Variants in SKAP2 observed in about 807,000 individuals in gnomAD.
SKAP2 encodes src kinase-associated phosphoprotein 2.
SKAP2 carries 28 observed loss-of-function variants against 54.9 expected under a neutral mutation model. That is an observed-to-expected ratio of 0.51 (90% CI 0.38 to 0.70). The LOEUF (loss-of-function observed/expected upper bound fraction) is 0.70. Among genes scored for constraint, SKAP2 ranks in the 30% least tolerant of loss-of-function variants. SKAP2 has a pLI of 0.00. For synonymous variants in SKAP2, 137 were observed against 134.3 expected (o/e 1.02, Z -0.14); for missense variants, 356 against 424.1 (o/e 0.84, Z 1.41).
At chr7:26,730,351 G>A (rs979353192) in intron 6 of SKAP2, among the ~76,000 whole-genome samples, 6 of 152,146 alleles carry the variant, frequency 3.9e-5, no homozygotes, top group Admixed American at 3.3e-4. Flanking sequence ...CATTTACCCA[G>A]CACTGTGAAA....
chr7:26,672,254 A>G (rs1053065317), intron 11 of SKAP2, among the ~76,000 whole-genome samples: 3 of 152,072 alleles, frequency 2.0e-5, no homozygotes, highest in Non-Finnish European at 4.4e-5. Flanking sequence ...GCTATCAACT[A>G]AAGGCATGTT....
chr7:26,845,450 C>T (rs1028084573), intron 3 of SKAP2, among the ~76,000 whole-genome samples: 7 of 152,172 alleles, frequency 4.6e-5, no homozygotes, highest in Non-Finnish European at 8.8e-5. Flanking sequence ...ATAGAGATGG[C>T]TATATTGTCA....
chr7:26,745,648 G>A (rs1319134483), intron 4 of SKAP2, among the ~76,000 whole-genome samples: 2 of 152,124 alleles, frequency 1.3e-5, no homozygotes, highest in Non-Finnish European at 1.5e-5. Context: ...CTGAGTAGCT[G>A]GGATTATAGG....
chr7:26,728,300 T>C (rs896251524), intron 6 of SKAP2, among the ~76,000 whole-genome samples: 8 of 152,196 alleles, frequency 5.3e-5, no homozygotes, highest in African/African-American at 1.9e-4. Context: ...GGGAAACGTT[T>C]TGCCGAATTA....
At chr7:26,753,642 G>T (rs1017533711) in intron 4 of SKAP2, among the ~76,000 whole-genome samples, 1 of 152,150 alleles carries the variant, frequency 6.6e-6, no homozygotes, top group Non-Finnish European at 1.5e-5. Context: ...TCTTGAGAGA[G>T]AAAGAGAGGC....
intron 4 of SKAP2, among the ~76,000 whole-genome samples, chr7:26,769,328 A>G (rs1783129701): frequency 6.6e-6 from 1 of 152,044 alleles, no homozygotes; most frequent in Non-Finnish European, 1.5e-5. Flanking sequence ...TCTTCTCCAA[A>G]CTGGTTATTC....
chr7:26,858,655 C>A (rs1296786177), intron 1 of SKAP2, among the ~76,000 whole-genome samples: 1 of 152,132 alleles, frequency 6.6e-6, no homozygotes. Context: ...CCCCACCTTT[C>A]CCTGGAGTCG....
chr7:26,676,154 A>G (rs914671008), intron 11 of SKAP2, among the ~76,000 whole-genome samples: 2 of 152,168 alleles, frequency 1.3e-5, no homozygotes, highest in African/African-American at 2.4e-5. Flanking sequence ...ATACATTTGG[A>G]CCCTCACAGA....
At chr7:26,830,477 A>G (rs1784575281) in intron 4 of SKAP2, among the ~76,000 whole-genome samples, 1 of 152,160 alleles carries the variant, frequency 6.6e-6, no homozygotes, top group Non-Finnish European at 1.5e-5. Context: ...AACTGTTGGT[A>G]AACTATGTAA....
chr7:26,853,272 G>A (rs998975099), intron 3 of SKAP2, among the ~76,000 whole-genome samples: 2 of 152,124 alleles, frequency 1.3e-5, no homozygotes, highest in African/African-American at 4.8e-5. Context: ...GTTAGAAGAT[G>A]CCATACTGTG....
intron 4 of SKAP2, among the ~76,000 whole-genome samples, chr7:26,804,564 C>T (rs184888805): frequency 9.2e-5 from 14 of 152,028 alleles, no homozygotes; most frequent in Non-Finnish European, 1.5e-4. Context: ...TGTGGTGAAA[C>T]GCTGTCTCTA....
chr7:26,766,686 T>C (rs1184785370), intron 4 of SKAP2, among the ~76,000 whole-genome samples: 2 of 151,954 alleles, frequency 1.3e-5, no homozygotes, highest in African/African-American at 2.4e-5. Context: ...CATGAAGGGC[T>C]GTTTTTATTG....
At chr7:26,750,414 G>A (rs779248827) in intron 4 of SKAP2, among the ~76,000 whole-genome samples, 2 of 149,542 alleles carry the variant, frequency 1.3e-5, no homozygotes, top group African/African-American at 2.5e-5. Context: ...CAGGTTCAAC[G>A]ATTTCCCTGT....
At chr7:26,695,013 G>C (rs188731404) in intron 9 of SKAP2, among the ~76,000 whole-genome samples, 1 of 152,092 alleles carries the variant, frequency 6.6e-6, no homozygotes, top group East Asian at 1.9e-4. Flanking sequence ...CCATTTAGCT[G>C]ACACTGCTTG....
chr7:26,699,036 C>A (rs2127945285), intron 9 of SKAP2, among the ~76,000 whole-genome samples: 1 of 152,032 alleles, frequency 6.6e-6, no homozygotes, highest in African/African-American at 2.4e-5. Flanking sequence ...TCCAACTGAC[C>A]AAAGCATGTT....
At chr7:26,806,889 G>T (rs1354916379) in intron 4 of SKAP2, among the ~76,000 whole-genome samples, 1 of 152,158 alleles carries the variant, frequency 6.6e-6, no homozygotes, top group Non-Finnish European at 1.5e-5. Context: ...AAGGAAAGAA[G>T]CCATCTTCAT....
intron 4 of SKAP2, among the ~76,000 whole-genome samples, chr7:26,788,646 GCTGA>G (rs1444942715): frequency 2.0e-5 from 3 of 152,096 alleles, no homozygotes; most frequent in Non-Finnish European, 4.4e-5. Context: ...AGGTAAGAAA[GCTGA>G]CTTTTTGTTA....
At chr7:26,775,983 C>G (rs1184397609) in intron 4 of SKAP2, among the ~76,000 whole-genome samples, 2 of 152,114 alleles carry the variant, frequency 1.3e-5, no homozygotes, top group Admixed American at 6.6e-5. Context: ...ATTCCTCAAT[C>G]CACTACAATT....
chr7:26,739,523 G>A (rs1044773478), intron 5 of SKAP2, among the ~76,000 whole-genome samples: 3 of 152,156 alleles, frequency 2.0e-5, no homozygotes, highest in Non-Finnish European at 4.4e-5. Context: ...CTGAACCATG[G>A]TGCATGCCAG....
Sources: allele counts gnomAD v4.1 joint callset (sites outside exome capture counted in the v4.1 genomes callset), GRCh38; gene constraint gnomAD v4.1.1; transcripts MANE v1.5; gene names NCBI Gene and HGNC (gene_info 2026-07-23, HGNC 2026-07-21).